Variants in FOXN3 observed in about 807,000 individuals in gnomAD.
The protein encoded by FOXN3 is forkhead box protein N3.
A neutral mutation model predicts 38.4 loss-of-function variants in FOXN3; 7 were observed. The observed-to-expected ratio is 0.18, with a 90% CI of 0.10 to 0.34. The LOEUF is 0.34. Ranked by LOEUF, FOXN3 falls within the 10% of genes least tolerant of loss-of-function variation. The pLI is 1.00. For missense variants in FOXN3, 456 were observed against 613.4 expected (o/e 0.74, Z 2.71); for synonymous variants, 230 against 242.2 (o/e 0.95, Z 0.47).
chr14:89,231,717 A>AT (rs1358644210), intron 4 of FOXN3, among the ~76,000 whole-genome samples: 17 of 152,172 alleles, frequency 1.1e-4, no homozygotes, highest in African/African-American at 3.9e-4. Flanking sequence ...CAGCCGCTCC[A>AT]TGCAATACTG....
Position 89,472,448 on chromosome 14 carries a change from C to A in FOXN3, c.-14-59958G>T, listed in dbSNP as rs770090756. On this transcript the variant is annotated intron_variant, in intron 1 of 6. Coordinates refer to the FOXN3 transcript ENST00000345097. ...TAAGATAGATTGTGCAGGCCGGGCGCGGTGGCTCACGCCTGTAATCCCAGC... is the reference window on the plus strand; with the variant it reads ...TAAGATAGATTGTGCAGGCCGGGCGAGGTGGCTCACGCCTGTAATCCCAGC... 1.3e-5 allele frequency among the ~76,000 whole-genome samples: 2 copies of A among 150,022 alleles called. 1 individual carries two copies. Among genetic ancestry groups the A allele is most frequent in the Non-Finnish European group, 3.0e-5 (2 of 67,396 alleles).
At chr14:89,436,516 G>A (rs1426022494) in intron 1 of FOXN3, among the ~76,000 whole-genome samples, 2 of 152,074 alleles carry the variant, frequency 1.3e-5, no homozygotes, top group African/African-American at 4.8e-5. Context: ...TTCCACCCTT[G>A]TGGTCTGGGT....
intron 1 of FOXN3, among the ~76,000 whole-genome samples, chr14:89,560,430 A>G (rs1207903545): frequency 6.6e-6 from 1 of 152,230 alleles, no homozygotes; most frequent in Non-Finnish European, 1.5e-5. Context: ...TGTCTGTCCT[A>G]GATACAAGGA....
chr14:89,524,012 C>T (rs1322245089), intron 1 of FOXN3, among the ~76,000 whole-genome samples: 2 of 151,306 alleles, frequency 1.3e-5, no homozygotes, highest in Non-Finnish European at 1.5e-5. Context: ...CCACCCACCT[C>T]GGCCTCCCAA....
At chr14:89,582,487 CTTT>C (rs57273137) in intron 1 of FOXN3, among the ~76,000 whole-genome samples, 13 of 86,754 alleles carry the variant, frequency 1.5e-4, no homozygotes, top group South Asian at 7.1e-4. Context: ...TTAAACTCAC[CTTT>C]TTTTTTTTTT....
intron 4 of FOXN3, among the ~76,000 whole-genome samples, chr14:89,208,201 T>A (rs1888434749): frequency 6.6e-6 from 1 of 152,206 alleles, no homozygotes; most frequent in Non-Finnish European, 1.5e-5. Flanking sequence ...CTGGCCTACA[T>A]GCTGGGAAGT....
At chr14:89,485,408 C>T (rs1893426740) in intron 1 of FOXN3, among the ~76,000 whole-genome samples, 1 of 152,194 alleles carries the variant, frequency 6.6e-6, no homozygotes, top group South Asian at 2.1e-4. Flanking sequence ...TATGCTTCCT[C>T]CCCTGCAGCT....
At chr14:89,268,065 T>C (rs1393254445) in intron 4 of FOXN3, among the ~76,000 whole-genome samples, 2 of 152,132 alleles carry the variant, frequency 1.3e-5, no homozygotes, top group Non-Finnish European at 2.9e-5. Flanking sequence ...TAAACATATA[T>C]GCACCTACAC....
chr14:89,504,422 T>C (rs1399868190), intron 1 of FOXN3, among the ~76,000 whole-genome samples: 1 of 152,228 alleles, frequency 6.6e-6, no homozygotes, highest in Admixed American at 6.5e-5. Flanking sequence ...ACCTCCTTGT[T>C]GGTGAGCTGG....
Position 89,382,520 on chromosome 14 carries a change from A to G in FOXN3, c.543+29414T>C, listed in dbSNP as rs894933929. Among the ~76,000 whole-genome samples, 6 of 152,156 alleles carry G rather than the reference A, an allele frequency of 3.9e-5. No homozygotes were observed. The East Asian group carries it at 9.6e-4, about 24-fold the overall frequency. On this transcript the variant is annotated intron_variant, in intron 2 of 5. Transcript: ENST00000557258. Reference sequence around the variant, plus strand: ...TTCTACAAGTTTTCTCTCCAAATGCATCTATACTCATCTGCATTGGCTCAA... The same window carrying G: ...TTCTACAAGTTTTCTCTCCAAATGCGTCTATACTCATCTGCATTGGCTCAA...
Position 89,285,785 on chromosome 14 carries a change from A to G in FOXN3, c.681-4771T>C, listed in dbSNP as rs187697497. Among the ~76,000 whole-genome samples the G allele has an allele frequency of 1.8e-3, 272 of 152,250 alleles. 1 individual carries two copies. Among genetic ancestry groups the G allele is most frequent in the Middle Eastern group, 3.4e-3 (1 of 294 alleles). On this transcript the variant is annotated intron_variant, in intron 3 of 5. Coordinates refer to ENST00000557258, the MANE Select transcript of FOXN3 (RefSeq NM_005197.4). ...AGTTCCGGAGGTTGGTTGTACAACA[A>G]TGTAAATGCACTTAACACTACAGAA...
At chr14:89,219,589 G>A (rs1234800211) in intron 4 of FOXN3, among the ~76,000 whole-genome samples, 1 of 152,130 alleles carries the variant, frequency 6.6e-6, no homozygotes, top group Non-Finnish European at 1.5e-5. Flanking sequence ...CAAACATCTG[G>A]CGAGTGGATG....
At chr14:89,313,835 A>G (rs1448898921) in intron 3 of FOXN3, among the ~76,000 whole-genome samples, 1 of 152,254 alleles carries the variant, frequency 6.6e-6, no homozygotes, top group Non-Finnish European at 1.5e-5. Flanking sequence ...ACATGCTACA[A>G]CATGGATGAA....
At chr14:89,483,309 C>T (rs1279059912) in intron 1 of FOXN3, among the ~76,000 whole-genome samples, 4 of 152,162 alleles carry the variant, frequency 2.6e-5, no homozygotes, top group African/African-American at 9.7e-5. Flanking sequence ...ATGAAAGAGG[C>T]CTGGGACCTC....
chr14:89,395,591 C>T lies in FOXN3; in HGVS notation c.543+16343G>A, dbSNP rs149256688. On this transcript the variant is annotated intron_variant, in intron 2 of 5. Transcript: ENST00000557258. ...TGTCTCTCCCACTAGACTAGAAATT[C>T]CTGGTGGACAGAAACTATACCTTCA... Among the ~76,000 whole-genome samples the T allele has an allele frequency of 2.2e-3, 342 of 152,184 alleles. 1 individual carries two copies. Among genetic ancestry groups the T allele is most frequent in the African/African-American group, 7.9e-3 (327 of 41,500 alleles).
intron 2 of FOXN3, among the ~76,000 whole-genome samples, chr14:89,352,774 A>G (rs1225325862): frequency 6.6e-6 from 1 of 152,234 alleles, no homozygotes; most frequent in African/African-American, 2.4e-5. Flanking sequence ...AATGAAGGAC[A>G]ACCGGTTGGC....
At chr14:89,486,900 G>A (rs1033901391) in intron 1 of FOXN3, among the ~76,000 whole-genome samples, 1 of 152,158 alleles carries the variant, frequency 6.6e-6, no homozygotes, top group Admixed American at 6.5e-5. Flanking sequence ...CCAGAAATTT[G>A]AAAATACATG....
At chr14:89,231,038 T>A (rs1293494921) in intron 4 of FOXN3, among the ~76,000 whole-genome samples, 3 of 152,150 alleles carry the variant, frequency 2.0e-5, no homozygotes, top group Admixed American at 6.6e-5. Context: ...ATCCCACCCA[T>A]CTCACCTGTG....
intron 1 of FOXN3, among the ~76,000 whole-genome samples, chr14:89,541,333 A>C (rs569119434): frequency 1.3e-5 from 2 of 152,194 alleles, no homozygotes; most frequent in Non-Finnish European, 1.5e-5. Flanking sequence ...AGGATGAGAC[A>C]GGAGGTCAGC....
Sources: allele counts gnomAD v4.1 joint callset (sites outside exome capture counted in the v4.1 genomes callset), GRCh38; gene constraint gnomAD v4.1.1; transcripts MANE v1.5; gene names NCBI Gene and HGNC (gene_info 2026-07-23, HGNC 2026-07-21).